NPEPPS: variants seen among roughly 807,000 people sequenced by gnomAD.
The protein encoded by NPEPPS is puromycin-sensitive aminopeptidase.
A neutral mutation model predicts 115.5 loss-of-function variants in NPEPPS; 14 were observed. That is an observed-to-expected ratio of 0.12 (90% CI 0.08 to 0.19). The LOEUF is 0.19. Among genes scored for constraint, NPEPPS ranks in the 10% least tolerant of loss-of-function variants. NPEPPS has a pLI of 1.00. For synonymous variants in NPEPPS, 285 were observed against 390.6 expected (o/e 0.73, Z 3.19); for missense variants, 523 against 1,110.8 (o/e 0.47, Z 7.52).
At position 47,562,151 on chromosome 17, in the gene NPEPPS, T is replaced by G. The variant is rs562737565; in HGVS notation, c.341-7266T>G. On this transcript the variant is annotated intron_variant, in intron 2 of 22. Transcript: ENST00000322157. ...TAATAAACCAGTACACGTGTTTTCC[T>G]GAGTTCTGGGCACAGCTTTAGCAAA... is the stretch of plus-strand genomic sequence containing the variant. 6.6e-5 allele frequency among the ~76,000 whole-genome samples: 10 copies of G among 152,366 alleles called. No individual in the cohort carries two copies. The East Asian group carries it at 1.7e-3, about 26-fold the overall frequency.
chr17:47,600,100 G>A (rs952061716), intron 14 of NPEPPS, among the ~76,000 whole-genome samples: 16 of 152,112 alleles, frequency 1.1e-4, no homozygotes, highest in African/African-American at 3.9e-4. Context: ...TTACAGGTGT[G>A]AGTCACTGTG....
In NPEPPS at chr17:47,605,515, A is replaced by T; in HGVS notation, c.2058A>T (p.Ile686=). The change falls in exon 17 of 23, where the codon ATA becomes ATT. Residue 686 remains isoleucine (I), a synonymous_variant. Transcript: ENST00000322157. ...QEFVKDVFSP[I]GERLGWDPKP... Reference sequence around the variant, plus strand: ...TTGTGAAAGATGTCTTTTCACCTATAGGGGAGAGACTGGGCTGGGACCCCA... The same window carrying T: ...TTGTGAAAGATGTCTTTTCACCTATTGGGGAGAGACTGGGCTGGGACCCCA... 6.3e-7 allele frequency: 1 copy of T among 1,599,060 alleles called. No individual in the cohort carries two copies. The highest frequency in any genetic ancestry group is 1.1e-5 in the South Asian group (1 of 88,650).
chr17:47,565,436 G>A (rs1910739977), intron 2 of NPEPPS, among the ~76,000 whole-genome samples: 2 of 150,852 alleles, frequency 1.3e-5, no homozygotes, highest in Admixed American at 1.3e-4. Flanking sequence ...AACCCGGGAG[G>A]CGGAGGTTGC....
At chr17:47,539,387 G>A (rs1346704699) in intron 1 of NPEPPS, among the ~76,000 whole-genome samples, 2 of 152,082 alleles carry the variant, frequency 1.3e-5, no homozygotes, top group African/African-American at 4.8e-5. Flanking sequence ...GTGGTCCTTG[G>A]TTTATTTGGT....
intron 10 of NPEPPS, among the ~76,000 whole-genome samples, chr17:47,591,433 A>T (rs1462705876): frequency 7.2e-5 from 11 of 152,252 alleles, no homozygotes; most frequent in Admixed American, 5.2e-4. Context: ...CTATGGTTCC[A>T]TTGTTTATGT....
chr17:47,592,909 C>G (rs1314645201), intron 12 of NPEPPS, among the ~76,000 whole-genome samples: 4 of 152,138 alleles, frequency 2.6e-5, no homozygotes, highest in Non-Finnish European at 4.4e-5. Context: ...CCCCCAGCCC[C>G]CTACCCCATG....
chr17:47,576,090 A>G (rs960689319), intron 3 of NPEPPS, among the ~76,000 whole-genome samples: 1 of 152,188 alleles, frequency 6.6e-6, no homozygotes, highest in Non-Finnish European at 1.5e-5. Flanking sequence ...AGCCTCATCA[A>G]ATTTAACAGT....
At chr17:47,611,928 G>T (rs576649631) in intron 17 of NPEPPS, among the ~76,000 whole-genome samples, 1 of 152,120 alleles carries the variant, frequency 6.6e-6, no homozygotes, top group Non-Finnish European at 1.5e-5. Flanking sequence ...ATCATAGTGG[G>T]TATGAATTGG....
chr17:47,615,187 C>T (rs995350305), intron 19 of NPEPPS, among the ~76,000 whole-genome samples: 1 of 149,386 alleles, frequency 6.7e-6, no homozygotes, highest in African/African-American at 2.5e-5. Flanking sequence ...ACGTGATTCT[C>T]CTGCCTCAGC....
intron 1 of NPEPPS, among the ~76,000 whole-genome samples, chr17:47,539,268 T>C (rs1908578495): frequency 1.3e-5 from 2 of 152,188 alleles, no homozygotes; most frequent in South Asian, 4.1e-4. Flanking sequence ...AATCTTACTC[T>C]AATCTGTATG....
Position 47,579,311 on chromosome 17 carries a change from A to C in NPEPPS, c.419-79A>C. ...GAACATTGTAAATAGCTAACTGAAT[A>C]TAGTGTCTTGAGGACATATTTTTGG... On this transcript the variant is annotated intron_variant, in intron 3 of 22. Transcript: ENST00000322157. 3.8e-6 allele frequency: 4 copies of C among 1,059,992 alleles called. No homozygotes were observed. The South Asian group carries it at 4.9e-5, about 13-fold the overall frequency. The allele number at this position is 1,059,992 out of a possible 1,614,324, so 65.7% of individuals were successfully genotyped here.
chr17:47,542,851 A>C (rs1452375997), intron 1 of NPEPPS, among the ~76,000 whole-genome samples: 1 of 152,174 alleles, frequency 6.6e-6, no homozygotes, highest in African/African-American at 2.4e-5. Context: ...TGAAAAATGC[A>C]CAAGAGGCCA....
chr17:47,612,476 C>G lies in NPEPPS; in HGVS notation c.2112C>G (p.Leu704=). 1.2e-6 allele frequency: 2 copies of G among 1,613,700 alleles called. No individual in the cohort carries two copies. The highest frequency in any genetic ancestry group is 1.7e-4 in the Middle Eastern group (1 of 6,060). The change falls in exon 18 of 23, where the codon CTC becomes CTG. Residue 704 remains leucine (L), a synonymous_variant. Transcript: ENST00000322157. The part of the protein sequence containing the change: ...PKPGEGHLDA[L]LRGLVLGKLG... Reference sequence around the variant, plus strand: ...TCAAATCAGGTCATCTCGATGCACTCCTGAGGGGCTTGGTTCTGGGAAAAC... The same window carrying G: ...TCAAATCAGGTCATCTCGATGCACTGCTGAGGGGCTTGGTTCTGGGAAAAC...
intron 2 of NPEPPS, among the ~76,000 whole-genome samples, chr17:47,561,256 C>T (rs1274538569): frequency 1.4e-4 from 20 of 144,914 alleles, no homozygotes; most frequent in African/African-American, 5.1e-4. Context: ...CTCATGCCTG[C>T]AATCCCAGCA....
rs539807567 is a variant in NPEPPS, at chr17:47,598,596, C to G, written c.1537-1080C>G. On this transcript the variant is annotated intron_variant, in intron 13 of 22. Transcript: ENST00000322157. ...GTAACACGGCAAGATGCTGCCTCTA[C>G]CAAAACAAAAAAACAAACCCAAAAC... is the stretch of plus-strand genomic sequence containing the variant. 3.9e-5 allele frequency among the ~76,000 whole-genome samples: 6 copies of G among 152,114 alleles called. No homozygotes were observed. The South Asian group carries it at 6.2e-4, about 16-fold the overall frequency.
In NPEPPS at chr17:47,569,418, A is replaced by C. The variant is rs750183773; in HGVS notation, c.342A>C (p.Glu114Asp). 20 of 1,540,102 alleles carry C rather than the reference A, an allele frequency of 1.3e-5. No individual in the cohort carries two copies. The highest frequency in any genetic ancestry group is 1.8e-5 in the Non-Finnish European group (20 of 1,116,026). The change falls in exon 3 of 23, where the codon GAA (glutamate) becomes GAC (aspartate). Residue 114 changes from glutamate (E) to aspartate (D), a missense_variant and splice_region_variant. By Grantham distance (45) the Glu-to-Asp change is conservative (BLOSUM62 2). Around this residue, in one of 4 missense-constraint regions of NPEPPS, gnomAD observed 144 missense variants for 512.4 expected, o/e 0.28. Coordinates refer to ENST00000322157, the MANE Select transcript of NPEPPS (RefSeq NM_006310.4). ...TASYAPEGDEEIHATGFNYQN... is the reference protein window; with the variant it reads ...TASYAPEGDEDIHATGFNYQN... The stretch of plus-strand genomic sequence containing the variant: ...AAGTAATTTTTTTTCTCATTCCAGA[A>C]ATACATGCTACAGGATTTAACTATC...
At chr17:47,604,553 G>A (rs185185083) in intron 16 of NPEPPS, among the ~76,000 whole-genome samples, 90 of 152,308 alleles carry the variant, frequency 5.9e-4, no homozygotes, top group Admixed American at 2.8e-3. Context: ...TGACTTCAGC[G>A]TAGGTTAGGT....
intron 12 of NPEPPS, 22 bp downstream of exon 12, chr17:47,592,567 T>G: frequency 6.4e-7 from 1 of 1,572,456 alleles, no homozygotes; most frequent in South Asian, 1.2e-5. Flanking sequence ...TAGCTTGAGA[T>G]AGAAATGGAG....
intron 1 of NPEPPS, among the ~76,000 whole-genome samples, chr17:47,539,116 TC>T (rs1289849838): frequency 1.2e-3 from 183 of 149,654 alleles, no homozygotes; most frequent in African/African-American, 4.2e-3. Flanking sequence ...TTTTTTTTTT[TC>T]TTTTTTCTTT....
Sources: gnomAD v4.1 joint callset for allele counts (sites outside exome capture counted in the v4.1 genomes callset) on GRCh38, gnomAD v4.1.1 for gene constraint, gnomAD v4.1.1 regional missense constraint, MANE v1.5 for transcripts, NCBI Gene and HGNC (gene_info 2026-07-23, HGNC 2026-07-21) for gene names.